Variants in COG5 observed in about 807,000 individuals in gnomAD.
COG5 encodes component of oligomeric golgi complex 5, also known as conserved oligomeric Golgi complex subunit 5.
In COG5, 86 loss-of-function variants were observed where a neutral mutation model predicts 110.4. The ratio of observed to expected loss-of-function variants is 0.78; its 90% CI spans 0.65 to 0.93. COG5 has a LOEUF of 0.93. Among genes scored for constraint, COG5 ranks in the 40% least tolerant of loss-of-function variants. The pLI, the probability that COG5 is intolerant of heterozygous loss-of-function variation, is 0.00. For missense variants in COG5, 1,077 were observed against 987.0 expected (o/e 1.09, Z -1.22); for synonymous variants, 360 against 334.6 (o/e 1.08, Z -0.83).
intron 6 of COG5, among the ~76,000 whole-genome samples, chr7:107,438,147 C>T (rs1794476795): frequency 6.6e-6 from 1 of 152,246 alleles, no homozygotes; most frequent in Middle Eastern, 3.4e-3. Flanking sequence ...TCTATCATCC[C>T]AAAATATGAC....
At chr7:107,390,578 A>G (rs1790548871) in intron 7 of COG5, among the ~76,000 whole-genome samples, 1 of 151,938 alleles carries the variant, frequency 6.6e-6, no homozygotes, top group Non-Finnish European at 1.5e-5. Context: ...GCAGATGTAA[A>G]GCAACTTAAA....
intron 12 of COG5, among the ~76,000 whole-genome samples, chr7:107,288,985 T>A (rs1238839763): frequency 2.1e-5 from 3 of 142,080 alleles, no homozygotes; most frequent in Non-Finnish European, 3.1e-5. Flanking sequence ...TCTATATTTT[T>A]AATTTTTACA....
At chr7:107,475,092 T>C in intron 6 of COG5, 1 of 1,612,876 alleles carries the variant, frequency 6.2e-7, no homozygotes, top group South Asian at 1.1e-5. Context: ...CAAGTGACCT[T>C]TTAGTAAAAT....
rs112766614 is a variant in COG5, at chr7:107,533,973, A to G, written c.418-6616T>C. Among the ~76,000 whole-genome samples, 544 of 151,840 alleles carry G rather than the reference A, an allele frequency of 3.6e-3. 34 individuals carry two copies. Among genetic ancestry groups the G allele is most frequent in the African/African-American group, 0.012 (512 of 41,090 alleles). Reference sequence around the variant, plus strand: ...TCAGACTAACAGCAGATCTCTCTGTAGAAACCCTACAAGCCAGAAGAGAGT... The same window carrying G: ...TCAGACTAACAGCAGATCTCTCTGTGGAAACCCTACAAGCCAGAAGAGAGT... On this transcript the variant is annotated intron_variant, in intron 5 of 21. Transcript: ENST00000297135.
At chr7:107,450,660 T>G (rs1370193784) in intron 6 of COG5, among the ~76,000 whole-genome samples, 1 of 152,226 alleles carries the variant, frequency 6.6e-6, no homozygotes, top group Admixed American at 6.5e-5. Flanking sequence ...CATTGTATTG[T>G]GCAAATGCAG....
intron 6 of COG5, among the ~76,000 whole-genome samples, chr7:107,481,607 G>A (rs1797351380): frequency 6.6e-6 from 1 of 152,038 alleles, no homozygotes; most frequent in Admixed American, 6.6e-5. Context: ...AAGAATCAAA[G>A]ATATATATTT....
intron 10 of COG5, among the ~76,000 whole-genome samples, chr7:107,333,118 A>C (rs984455994): frequency 6.6e-6 from 1 of 152,212 alleles, no homozygotes; most frequent in Non-Finnish European, 1.5e-5. Context: ...TCTATGCCAG[A>C]GATCTCTGCG....
chr7:107,417,337 A>G (rs995766003), intron 6 of COG5, among the ~76,000 whole-genome samples: 5 of 152,140 alleles, frequency 3.3e-5, no homozygotes, highest in Admixed American at 3.3e-4. Context: ...TTGTAATTAT[A>G]CTTATTTACA....
chr7:107,411,993 T>A (rs1792335743), intron 7 of COG5, among the ~76,000 whole-genome samples: 1 of 152,128 alleles, frequency 6.6e-6, no homozygotes, highest in South Asian at 2.1e-4. Context: ...AGGAGAAATG[T>A]CAAGTCAAAA....
intron 14 of COG5, among the ~76,000 whole-genome samples, chr7:107,270,891 T>G (rs1345167822): frequency 2.2e-5 from 3 of 133,826 alleles, no homozygotes; most frequent in African/African-American, 8.4e-5. Flanking sequence ...ACTTTTTTTT[T>G]TTTTTTTTTT....
intron 6 of COG5, among the ~76,000 whole-genome samples, chr7:107,511,743 A>G (rs1799532613): frequency 6.6e-6 from 1 of 152,242 alleles, no homozygotes; most frequent in South Asian, 2.1e-4. Flanking sequence ...GGTTTAACAT[A>G]TGAAAATCAA....
chr7:107,553,646 G>A (rs879844293), intron 3 of COG5, among the ~76,000 whole-genome samples: 1 of 152,050 alleles, frequency 6.6e-6, no homozygotes, highest in South Asian at 2.1e-4. Flanking sequence ...ATTTAATCAA[G>A]AGGGAATGAA....
At chr7:107,312,685 AG>A (rs1030256915) in intron 11 of COG5, among the ~76,000 whole-genome samples, 57 of 152,340 alleles carry the variant, frequency 3.7e-4, no homozygotes, top group African/African-American at 1.3e-3. Context: ...AAAATTAATG[AG>A]TGCTGAGGAA....
chr7:107,278,259 C>T (rs1804864338), intron 14 of COG5, among the ~76,000 whole-genome samples: 1 of 151,954 alleles, frequency 6.6e-6, no homozygotes, highest in South Asian at 2.1e-4. Context: ...TTCCTTTCTT[C>T]CTTCGTTTCT....
intron 12 of COG5, among the ~76,000 whole-genome samples, chr7:107,287,870 A>T (rs1805776218): frequency 6.6e-6 from 1 of 152,156 alleles, no homozygotes; most frequent in Non-Finnish European, 1.5e-5. Flanking sequence ...TTTTAATTGT[A>T]ATATTTCATT....
intron 6 of COG5, among the ~76,000 whole-genome samples, chr7:107,524,929 T>A (rs565036803): frequency 6.6e-6 from 1 of 152,172 alleles, no homozygotes; most frequent in South Asian, 2.1e-4. Context: ...TTGTGGGGTT[T>A]TTTGTTTGTT....
intron 10 of COG5, among the ~76,000 whole-genome samples, chr7:107,349,201 T>C (rs188259529): frequency 3.9e-5 from 6 of 152,350 alleles, no homozygotes; most frequent in Non-Finnish European, 7.3e-5. Flanking sequence ...TTAGCCCTAA[T>C]AGCTTTTGTA....
At position 107,219,904 on chromosome 7, in the gene COG5, CAT is replaced by C. The variant is rs539089459; in HGVS notation, c.2169-8681_2169-8680del. Among the ~76,000 whole-genome samples the C allele has an allele frequency of 1.2e-4, 18 of 152,260 alleles. No individual in the cohort carries two copies. The South Asian group carries it at 2.7e-3, about 23-fold the overall frequency. ...TGAATTAATCATCCCACACGGTACA[CAT>C]ATAATATCACTTTGTACCCCATAAG... On this transcript the variant is annotated intron_variant, in intron 19 of 21. Coordinates refer to ENST00000297135, the MANE Select transcript of COG5 (RefSeq NM_006348.5).
intron 10 of COG5, among the ~76,000 whole-genome samples, chr7:107,356,857 T>A (rs1018349525): frequency 3.3e-5 from 5 of 152,182 alleles, no homozygotes; most frequent in Non-Finnish European, 7.3e-5. Context: ...TTAGAAAGAA[T>A]TTTCAATATC....
Sources: allele counts gnomAD v4.1 joint callset (sites outside exome capture counted in the v4.1 genomes callset), GRCh38; gene constraint gnomAD v4.1.1; transcripts MANE v1.5; gene names NCBI Gene and HGNC (gene_info 2026-07-23, HGNC 2026-07-21).